RALGPS1: variants seen among roughly 807,000 people sequenced by gnomAD.
RALGPS1 encodes Ral GEF with PH domain and SH3 binding motif 1.
Under a neutral mutation model 78.8 loss-of-function variants are expected in RALGPS1, and 19 were observed. That is an observed-to-expected ratio of 0.24 (90% confidence interval 0.17 to 0.35). The LOEUF is 0.35. Among genes scored for constraint, RALGPS1 ranks in the 10% least tolerant of loss-of-function variants. The probability of loss-of-function intolerance (pLI) is 1.00; values close to 1 mark genes in which losing one functional copy is unlikely to be tolerated. For synonymous variants in RALGPS1, 228 were observed against 256.3 expected, an observed-to-expected ratio of 0.89 and a Z score of 1.06; for missense variants, 454 against 688.3, an observed-to-expected ratio of 0.66 and a Z score of 3.81.
At chr9:127,033,569 G>A (rs2046607984) in intron 4 of RALGPS1, among the ~76,000 whole-genome samples, 1 of 152,226 alleles carries the variant, frequency 6.6e-6, no homozygotes, top group Admixed American at 6.5e-5. Flanking sequence ...TTAAAAGGCA[G>A]TCTTGTAACT....
In RALGPS1 at chr9:127,061,444, A is replaced by G. The variant is rs143327609; in HGVS notation, c.484-7786A>G. Among the ~76,000 whole-genome samples, 28 of 152,346 alleles carry G rather than the reference A, an allele frequency of 1.8e-4. 1 individual carries two copies. In the East Asian group the frequency reaches 4.8e-3, roughly 26 times the overall value. On this transcript the variant is annotated intron_variant, in intron 7 of 18. Transcript: ENST00000259351. ...TGGAAAAGTAGAATAAGCAGTCAAA[A>G]TGGTGTTCACATGCCTATGGCATCC...
chr9:127,092,655 A>G (rs1265316943), intron 8 of RALGPS1, among the ~76,000 whole-genome samples: 1 of 152,102 alleles, frequency 6.6e-6, no homozygotes, highest in Non-Finnish European at 1.5e-5. Flanking sequence ...CCTCCCTAGT[A>G]TGGATGAACT....
In RALGPS1 at chr9:127,011,425, G is replaced by A. The variant is rs143290862; in HGVS notation, c.217-23006G>A. Among the ~76,000 whole-genome samples, 23 of 152,166 alleles carry A rather than the reference G, an allele frequency of 1.5e-4. No homozygotes were observed. In the East Asian group the frequency reaches 3.9e-3, roughly 26 times the overall value. On this transcript the variant is annotated intron_variant, in intron 4 of 18. Transcript: ENST00000259351. ...AACTCCTGACCTCAGGTGATCCGCC[G>A]CCTTGGACTCCCGTAGTGCTGGGAT...
chr9:127,135,338 G>T (rs2057318206), intron 8 of RALGPS1, among the ~76,000 whole-genome samples: 1 of 152,222 alleles, frequency 6.6e-6, no homozygotes, highest in South Asian at 2.1e-4. Flanking sequence ...TGCAAGATGG[G>T]CCCACATGGA....
Position 127,025,113 on chromosome 9 carries a change from T to G in RALGPS1, c.217-9318T>G, listed in dbSNP as rs7026713. Among the ~76,000 whole-genome samples the G allele has an allele frequency of 8.0e-3, 1,216 of 152,332 alleles. 23 individuals carry two copies. The highest frequency in any genetic ancestry group is 0.028 in the African/African-American group (1,148 of 41,560). Reference sequence around the variant, plus strand: ...GGATCTAATTCCTGTCTCTGTCATGTTTACCTTTTCCAGAATGTCATGTAA... The same window carrying G: ...GGATCTAATTCCTGTCTCTGTCATGGTTACCTTTTCCAGAATGTCATGTAA... On this transcript the variant is annotated intron_variant, in intron 4 of 18. Coordinates refer to ENST00000259351, the MANE Select transcript of RALGPS1 (RefSeq NM_014636.3).
At chr9:127,134,012 C>CCG (rs1554839748) in intron 8 of RALGPS1, among the ~76,000 whole-genome samples, 1 of 151,696 alleles carries the variant, frequency 6.6e-6, no homozygotes, top group Non-Finnish European at 1.5e-5. Context: ...TCGCTCCCCC[C>CCG]CCCGTGAATG....
At chr9:126,954,441 A>C (rs1050069891) in intron 1 of RALGPS1, among the ~76,000 whole-genome samples, 1 of 152,196 alleles carries the variant, frequency 6.6e-6, no homozygotes, top group Non-Finnish European at 1.5e-5. Flanking sequence ...AGAGTAGCCG[A>C]AGTGATCTTC....
intron 7 of RALGPS1, among the ~76,000 whole-genome samples, chr9:127,066,411 C>G (rs970976102): frequency 6.6e-6 from 1 of 152,234 alleles, no homozygotes; most frequent in African/African-American, 2.4e-5. Context: ...GAGGCCAAGG[C>G]TGGCGGATCA....
chr9:126,931,949 A>G (rs994596824), intron 1 of RALGPS1, among the ~76,000 whole-genome samples: 1 of 151,714 alleles, frequency 6.6e-6, no homozygotes, highest in Admixed American at 6.6e-5. Flanking sequence ...ATAGAGGAGC[A>G]ATGTGTTGGG....
Position 127,091,968 on chromosome 9 carries a change from G to GTGGA in RALGPS1, c.610+22613_610+22616dup. On this transcript the variant is annotated intron_variant, in intron 8 of 18. Transcript: ENST00000259351. The surrounding 1 kb of genome is among the most constrained non-coding windows in gnomAD (Gnocchi z 4.3). Reference sequence around the variant, plus strand: ...GGGGAAAACCCAGGAGAGTGTTAATGTGGAGCCTGCAGCACCTGCAGCCAG... The same window carrying GTGGA: ...GGGGAAAACCCAGGAGAGTGTTAATGTGGATGGAGCCTGCAGCACCTGCAGCCAG... 6.2e-7 allele frequency: 1 copy of GTGGA among 1,606,924 alleles called. No homozygotes were observed. Among genetic ancestry groups the GTGGA allele is most frequent in the Non-Finnish European group, 8.5e-7 (1 of 1,174,998 alleles).
chr9:127,062,319 C>T (rs1386137320), intron 7 of RALGPS1, among the ~76,000 whole-genome samples: 3 of 152,112 alleles, frequency 2.0e-5, no homozygotes, highest in African/African-American at 7.2e-5. Context: ...AGGATGGTCT[C>T]GATCTCCTGA....
At chr9:126,921,923 T>G (rs927514046) in intron 1 of RALGPS1, among the ~76,000 whole-genome samples, 1 of 152,212 alleles carries the variant, frequency 6.6e-6, no homozygotes, top group African/African-American at 2.4e-5. Context: ...ATTAATGTAT[T>G]GTCTGTGGAA....
At chr9:127,097,435 A>G (rs952714952) in intron 8 of RALGPS1, among the ~76,000 whole-genome samples, 9 of 152,258 alleles carry the variant, frequency 5.9e-5, no homozygotes, top group Non-Finnish European at 1.2e-4. Flanking sequence ...AGCTTCCATC[A>G]AAAACACAAA....
chr9:127,198,011 T>C (rs1401279091), intron 13 of RALGPS1, among the ~76,000 whole-genome samples: 1 of 152,216 alleles, frequency 6.6e-6, no homozygotes, highest in African/African-American at 2.4e-5. Flanking sequence ...GAAAACTTTG[T>C]GAGCTGCGCC....
intron 4 of RALGPS1, among the ~76,000 whole-genome samples, chr9:127,002,965 A>AATG (rs759324933): frequency 7.2e-5 from 11 of 152,142 alleles, no homozygotes; most frequent in Non-Finnish European, 1.5e-4. Flanking sequence ...TATACCCAGT[A>AATG]ATGGGATGGC....
intron 8 of RALGPS1, among the ~76,000 whole-genome samples, chr9:127,116,465 C>G (rs746499792): frequency 5.9e-5 from 9 of 152,312 alleles, no homozygotes; most frequent in African/African-American, 1.9e-4. Flanking sequence ...GTGCCAGGAG[C>G]CTTGGCCAAC....
intron 5 of RALGPS1, among the ~76,000 whole-genome samples, chr9:127,042,521 A>G (rs1426024627): frequency 1.3e-5 from 2 of 152,214 alleles, no homozygotes; most frequent in African/African-American, 2.4e-5. Context: ...AACTTCTTCA[A>G]CTTGATAAAG....
intron 1 of RALGPS1, among the ~76,000 whole-genome samples, chr9:126,918,830 G>A (rs555018879): frequency 1.3e-5 from 2 of 152,002 alleles, no homozygotes; most frequent in East Asian, 3.9e-4. Context: ...GCCCCACCAC[G>A]CCTGGCTAAT....
Position 127,091,734 on chromosome 9 carries a change from G to A in RALGPS1, c.610+22378G>A. 1 of 1,614,082 alleles carries A rather than the reference G, an allele frequency of 6.2e-7. No homozygotes were observed. The highest frequency in any genetic ancestry group is 1.1e-5 in the South Asian group (1 of 91,082). ...GCTTGCCGTTGTGCCATGTAAAGGA[G>A]TCACCCGCATTGCCATGGTAGCGCC... is the stretch of plus-strand genomic sequence containing the variant. On this transcript the variant is annotated intron_variant, in intron 8 of 18. Coordinates refer to ENST00000259351, the MANE Select transcript of RALGPS1 (RefSeq NM_014636.3). The surrounding 1 kb of genome is among the most constrained non-coding windows in gnomAD (Gnocchi z 4.3).
Sources: gnomAD v4.1 joint callset for allele counts (sites outside exome capture counted in the v4.1 genomes callset) on GRCh38, gnomAD v4.1.1 for gene constraint, Gnocchi (gnomAD v3.1) non-coding constraint, MANE v1.5 for transcripts, NCBI Gene and HGNC (gene_info 2026-07-23, HGNC 2026-07-21) for gene names.